Variants in TRPM2 observed in about 807,000 individuals in gnomAD.
TRPM2 encodes the protein transient receptor potential cation channel subfamily M member 2, also known as estrogen-responsive element-associated gene 1 protein.
In TRPM2, 161 loss-of-function variants were observed where a neutral mutation model predicts 174.0. The ratio of observed to expected loss-of-function variants is 0.93; its 90% CI spans 0.81 to 1.05. The LOEUF (loss-of-function observed/expected upper bound fraction) is 1.05, where lower values mean the gene tolerates loss of function less well. TRPM2 is among the 50% of genes least tolerant of loss of function. The probability of loss-of-function intolerance (pLI) is 0.00; values close to 1 mark genes in which losing one functional copy is unlikely to be tolerated. For synonymous variants in TRPM2, 954 were observed against 861.3 expected, an observed-to-expected ratio of 1.11 and a Z score of -1.88; for missense variants, 2,057 against 2,038.0, an observed-to-expected ratio of 1.01 and a Z score of -0.18.
At chr21:44,375,502 G>A (rs907581285) in intron 5 of TRPM2, among the ~76,000 whole-genome samples, 4 of 152,132 alleles carry the variant, frequency 2.6e-5, no homozygotes, top group African/African-American at 7.2e-5. Flanking sequence ...CTGTTTCCCC[G>A]CCTCCTCCAC....
chr21:44,397,042 A>AT (rs111984257), intron 12 of TRPM2, among the ~76,000 whole-genome samples: 160 of 142,996 alleles, frequency 1.1e-3, no homozygotes, highest in Middle Eastern at 3.6e-3. Context: ...CAGGAAAGGA[A>AT]TTTTTTTTTT....
chr21:44,407,923 A>G (rs1280254098), intron 19 of TRPM2, among the ~76,000 whole-genome samples: 1 of 151,404 alleles, frequency 6.6e-6, no homozygotes, highest in Non-Finnish European at 1.5e-5. Context: ...TAAATTAATT[A>G]ATATTTAATT....
intron 5 of TRPM2, among the ~76,000 whole-genome samples, chr21:44,371,232 G>A (rs919291796): frequency 6.6e-6 from 1 of 151,290 alleles, no homozygotes; most frequent in Non-Finnish European, 1.5e-5. Flanking sequence ...GTGTCCCATG[G>A]CCGCCTCCCT....
chr21:44,425,886 C>T (rs1402144867), intron 25 of TRPM2, 59 bp downstream of exon 25: 69 of 1,444,354 alleles, frequency 4.8e-5, no homozygotes, highest in East Asian at 4.5e-4. Context: ...GAGGGGAGGG[C>T]GGCCCTGTCC....
chr21:44,425,898 C>T (rs777486077), intron 25 of TRPM2, 71 bp downstream of exon 25: 9 of 1,419,156 alleles, frequency 6.3e-6, no homozygotes, highest in Non-Finnish European at 8.3e-6. Context: ...GCCCTGTCCC[C>T]ATCCATCTGG....
intron 20 of TRPM2, 121 bp downstream of exon 20, chr21:44,414,195 C>G: frequency 7.8e-7 from 1 of 1,283,968 alleles, no homozygotes; most frequent in East Asian, 2.3e-5. Context: ...TGCACAGAGG[C>G]GCGTCACTCA....
intron 19 of TRPM2, among the ~76,000 whole-genome samples, chr21:44,411,925 T>G (rs1617123): frequency 0.71 from 108,089 of 152,022 alleles, 38,942 homozygotes; most frequent in Non-Finnish European, 0.77. Context: ...TAAACCAACT[T>G]TATGTTCCTG....
chr21:44,396,911 G>GCT (rs2049443368), intron 12 of TRPM2, among the ~76,000 whole-genome samples: 1 of 145,694 alleles, frequency 6.9e-6, no homozygotes, highest in Admixed American at 6.8e-5. Context: ...GGTGTGGAGG[G>GCT]GTGTGGAGGG....
intron 12 of TRPM2, 54 bp from the exon 13 acceptor site, chr21:44,397,693 C>G (rs556347512): frequency 6.7e-7 from 1 of 1,502,550 alleles, no homozygotes; most frequent in African/African-American, 1.4e-5. Flanking sequence ...TTGGGTTCCT[C>G]AGGCTGGGTT....
At chr21:44,398,419 T>G (rs533704142) in intron 13 of TRPM2, among the ~76,000 whole-genome samples, 25 of 152,286 alleles carry the variant, frequency 1.6e-4, no homozygotes, top group African/African-American at 5.3e-4. Context: ...CAGGCTGGTC[T>G]CAAACTCCTA....
rs2051405745 is a variant in TRPM2, at chr21:44,439,420, A to AG, written c.4269+257dup. On this transcript the variant is annotated intron_variant, in intron 30 of 31. Coordinates refer to ENST00000397928, the MANE Select transcript of TRPM2 (RefSeq NM_003307.4). The surrounding 1 kb of genome is among the most constrained non-coding windows in gnomAD (Gnocchi z 5.1). The stretch of plus-strand genomic sequence containing the variant: ...GTTCCATTTTCTCCTCTCTAAATCA[A>AG]GGGGGATGGGCTGAGGACCCTTGCT... Among the ~76,000 whole-genome samples, 1 of 152,084 alleles carries AG rather than the reference A, an allele frequency of 6.6e-6. No individual in the cohort carries two copies. Among genetic ancestry groups the AG allele is most frequent in the Non-Finnish European group, 1.5e-5 (1 of 68,002 alleles).
intron 26 of TRPM2, 110 bp downstream of exon 26, chr21:44,426,846 A>G: frequency 6.9e-7 from 1 of 1,452,044 alleles, no homozygotes; most frequent in Non-Finnish European, 9.6e-7. Context: ...CCAGGTGAGC[A>G]GGAGGGGCCC....
chr21:44,382,885 G>A (rs1163778379), intron 9 of TRPM2, 65 bp downstream of exon 9: 4 of 1,438,368 alleles, frequency 2.8e-6, no homozygotes, highest in Non-Finnish European at 3.8e-6. Flanking sequence ...AGGACGCCAA[G>A]TTCTAGTCTT....
chr21:44,383,439 G>A (rs897406124), intron 9 of TRPM2, among the ~76,000 whole-genome samples: 1 of 152,232 alleles, frequency 6.6e-6, no homozygotes, highest in Non-Finnish European at 1.5e-5. Context: ...GCCCCAGGCT[G>A]ATTCTGAAGG....
chr21:44,362,372 T>C (rs2048238850), intron 2 of TRPM2, among the ~76,000 whole-genome samples: 1 of 105,304 alleles, frequency 9.5e-6, no homozygotes, highest in South Asian at 2.7e-4. Context: ...AAAAGCCAGA[T>C]GTGGTGATGG....
At chr21:44,389,803 T>C (rs928316077) in intron 9 of TRPM2, among the ~76,000 whole-genome samples, 5 of 152,198 alleles carry the variant, frequency 3.3e-5, no homozygotes, top group African/African-American at 9.7e-5. Flanking sequence ...CGTCAGATAT[T>C]ATTTTCTCAT....
At chr21:44,350,922 G>T (rs1460156592), upstream of TRPM2, among the ~76,000 whole-genome samples, 2 of 152,114 alleles carry the variant, frequency 1.3e-5, no homozygotes, top group African/African-American at 4.8e-5. Context: ...CTTCTGGGGC[G>T]CTTACTTCCT....
At chr21:44,362,514 A>T (rs189090566) in intron 2 of TRPM2, among the ~76,000 whole-genome samples, 2 of 148,616 alleles carry the variant, frequency 1.3e-5, no homozygotes, top group Admixed American at 1.3e-4. Flanking sequence ...TTCCATTTCA[A>T]GAAAAAAAAA....
intron 27 of TRPM2, 45 bp from the exon 28 acceptor site, chr21:44,435,086 C>A: frequency 6.3e-7 from 1 of 1,585,496 alleles, no homozygotes; most frequent in Non-Finnish European, 8.6e-7. Context: ...TGTCCTGCTC[C>A]CCCATTGGTG....
Sources: gnomAD v4.1 joint callset for allele counts (sites outside exome capture counted in the v4.1 genomes callset) on GRCh38, gnomAD v4.1.1 for gene constraint, Gnocchi (gnomAD v3.1) non-coding constraint, MANE v1.5 for transcripts, NCBI Gene and HGNC (gene_info 2026-07-23, HGNC 2026-07-21) for gene names.